The following PNLDC1 variants were observed in gnomAD, a reference collection of about 807,000 sequenced individuals.
PNLDC1 encodes PARN like ribonuclease domain containing exonuclease 1, also known as poly(A)-specific ribonuclease PNLDC1.
PNLDC1 carries 70 observed loss-of-function variants against 82.0 expected under a neutral mutation model. The ratio of observed to expected loss-of-function variants is 0.85; its 90% CI spans 0.70 to 1.04. PNLDC1 has a LOEUF of 1.04. Ranked by LOEUF, PNLDC1 falls within the 50% of genes least tolerant of loss-of-function variation. The probability of loss-of-function intolerance (pLI) is 0.00; values close to 1 mark genes in which losing one functional copy is unlikely to be tolerated. For synonymous variants in PNLDC1, 280 were observed against 249.3 expected (o/e 1.12, Z -1.16); for missense variants, 631 against 661.1 (o/e 0.95, Z 0.50).
intron 8 of PNLDC1, 74 bp from the exon 9 acceptor site, chr6:159,808,941 A>G: frequency 6.3e-7 from 1 of 1,589,962 alleles, no homozygotes; most frequent in Non-Finnish European, 8.6e-7. Flanking sequence ...CCTTTTGTTT[A>G]GAGATGCAGA....
Position 159,808,871 on chromosome 6 carries a change from T to A in PNLDC1, c.639+55T>A, listed in dbSNP as rs1230981707. On this transcript the variant is annotated intron_variant, in intron 8 of 18. Coordinates refer to ENST00000392167, the MANE Select transcript of PNLDC1 (RefSeq NM_001271862.2). ...TGGCTCCATTGTTTCTCTCTCATAA[T>A]TGGCCAAATCTGGCCTCTGAAAAGC... 1.9e-6 allele frequency: 3 copies of A among 1,605,034 alleles called. No individual in the cohort carries two copies. The African/African-American group carries it at 4.0e-5, about 21-fold the overall frequency.
chr6:159,805,724 TC>T, intron 6 of PNLDC1: 1 of 434,992 alleles, frequency 2.3e-6, no homozygotes, highest in Non-Finnish European at 4.3e-6. Context: ...CAATAGCTTT[TC>T]CTCCATACAT....
rs1470792751 is a variant in PNLDC1, at chr6:159,819,406, G to T, written c.1532+54G>T. 153 of 1,493,922 alleles carry T rather than the reference G, an allele frequency of 1.0e-4. 4 individuals are homozygous for T. The Admixed American group carries it at 2.5e-3, about 25-fold the overall frequency. 92.5% of individuals were successfully genotyped at this position (1,493,922 alleles called of 1,614,324 possible). A position where few individuals can be genotyped will look rare whatever the true frequency, so the allele number is the denominator to read the frequency against. ...GTCCTGGGGTCCTGGAGTGCCCGGGGTCCCAGCATCCCAGCATGGTCTGAC... is the reference window on the plus strand; with the variant it reads ...GTCCTGGGGTCCTGGAGTGCCCGGGTTCCCAGCATCCCAGCATGGTCTGAC... On this transcript the variant is annotated intron_variant, in intron 18 of 18. Transcript: ENST00000392167. The surrounding 1 kb of genome is among the most constrained non-coding windows in gnomAD (Gnocchi z 4.6).
intron 6 of PNLDC1, 53 bp from the exon 7 acceptor site, chr6:159,805,930 C>A: frequency 7.7e-7 from 1 of 1,297,342 alleles, no homozygotes; most frequent in Non-Finnish European, 1.1e-6. Context: ...CATAGTCTTG[C>A]GGTTCTGAAG....
intron 7 of PNLDC1, among the ~76,000 whole-genome samples, chr6:159,806,846 G>A (rs1466402036): frequency 6.6e-6 from 1 of 150,430 alleles, no homozygotes; most frequent in Admixed American, 6.6e-5. Flanking sequence ...ATTGTGTCAA[G>A]GAAAAGTGCT....
chr6:159,804,810 G>A (rs1176571681), intron 6 of PNLDC1, among the ~76,000 whole-genome samples, 173 bp downstream of exon 6: 1 of 152,178 alleles, frequency 6.6e-6, no homozygotes, highest in Non-Finnish European at 1.5e-5. Context: ...ACTGAGAATG[G>A]CTTTCACCTG....
intron 10 of PNLDC1, among the ~76,000 whole-genome samples, chr6:159,811,062 G>C (rs1433118742): frequency 2.6e-5 from 4 of 152,218 alleles, no homozygotes; most frequent in Non-Finnish European, 5.9e-5. Flanking sequence ...CCTCTCAGCC[G>C]GTGGGAGGTC....
At chr6:159,808,838 G>A (rs1253903162) in intron 8 of PNLDC1, 22 bp downstream of exon 8, 1 of 1,612,148 alleles carries the variant, frequency 6.2e-7, no homozygotes, top group Non-Finnish European at 8.5e-7. Flanking sequence ...CTGCGAACGG[G>A]GCATCAGTGG....
At position 159,820,629 on chromosome 6, in the gene PNLDC1, T is replaced by C; in HGVS notation, c.*112T>C. On this transcript the variant is annotated 3_prime_UTR_variant, in exon 19 of 19. Coordinates refer to ENST00000392167, the MANE Select transcript of PNLDC1 (RefSeq NM_001271862.2). ...TTGCAGATGGATCTGTTTGGTCTTTTCTAGAAATTCTGTTATGTCCTGAAC... is the reference window on the plus strand; with the variant it reads ...TTGCAGATGGATCTGTTTGGTCTTTCCTAGAAATTCTGTTATGTCCTGAAC... The C allele has an allele frequency of 9.8e-7, 1 of 1,020,686 alleles. No individual in the cohort carries two copies. Among genetic ancestry groups the C allele is most frequent in the Non-Finnish European group, 1.5e-6 (1 of 657,128 alleles). 63.2% of individuals were successfully genotyped at this position (1,020,686 alleles called of 1,614,324 possible).
intron 7 of PNLDC1, among the ~76,000 whole-genome samples, chr6:159,807,278 T>C (rs1391515043): frequency 1.3e-5 from 2 of 152,172 alleles, no homozygotes; most frequent in African/African-American, 4.8e-5. Context: ...GAAAAGAGCT[T>C]GTTGGCCAGG....
chr6:159,803,800 A>G (rs902552063), intron 4 of PNLDC1, among the ~76,000 whole-genome samples, 165 bp from the exon 5 acceptor site: 1 of 152,070 alleles, frequency 6.6e-6, no homozygotes, highest in South Asian at 2.1e-4. Context: ...TGCCTTTTTC[A>G]TTTAGCACCC....
At chr6:159,818,858 C>G (rs535712218) in intron 16 of PNLDC1, 88 bp from the exon 17 acceptor site, 5 of 1,451,478 alleles carry the variant, frequency 3.4e-6, no homozygotes, top group East Asian at 2.3e-5. Context: ...CCAAGCAGAG[C>G]CTTTCCTAGT....
At chr6:159,818,729 T>TGGG in intron 16 of PNLDC1, 75 bp downstream of exon 16, 1 of 1,424,322 alleles carries the variant, frequency 7.0e-7, no homozygotes. Flanking sequence ...CAGTGCTCTC[T>TGGG]GGGACTCGTG....
At chr6:159,804,942 G>T (rs1781394765) in intron 6 of PNLDC1, among the ~76,000 whole-genome samples, 1 of 152,244 alleles carries the variant, frequency 6.6e-6, no homozygotes, top group South Asian at 2.1e-4. Context: ...TTCCATTCCA[G>T]TGCTAGAGGG....
At chr6:159,804,476 T>C (rs1365203407) in intron 5 of PNLDC1, 73 bp from the exon 6 acceptor site, 5 of 1,026,860 alleles carry the variant, frequency 4.9e-6, no homozygotes, top group African/African-American at 1.6e-5. Context: ...CTACCTGTCC[T>C]CGTGAAATCA....
At chr6:159,807,980 C>T (rs1400243498) in intron 7 of PNLDC1, among the ~76,000 whole-genome samples, 1 of 151,106 alleles carries the variant, frequency 6.6e-6, no homozygotes, top group Non-Finnish European at 1.5e-5. Flanking sequence ...GTGGCACCAT[C>T]TTGGCTCACT....
chr6:159,801,073 A>G (rs1321097902), intron 2 of PNLDC1, 40 bp from the exon 3 acceptor site: 1 of 1,605,722 alleles, frequency 6.2e-7, no homozygotes, highest in Admixed American at 1.7e-5. Context: ...CCGGGATGGG[A>G]TGTCATTGCT....
At chr6:159,808,575 C>G (rs1221844497) in intron 7 of PNLDC1, among the ~76,000 whole-genome samples, 165 bp from the exon 8 acceptor site, 4 of 150,986 alleles carry the variant, frequency 2.6e-5, no homozygotes. Context: ...CAGATCCCAT[C>G]ATGACAGGCC....
chr6:159,817,278 G>C (rs1023295571), intron 15 of PNLDC1, 127 bp downstream of exon 15: 1 of 912,092 alleles, frequency 1.1e-6, no homozygotes, highest in Non-Finnish European at 1.8e-6. Context: ...GGTGTCACTG[G>C]TATAGAAATC....
Sources: gnomAD v4.1 joint callset for allele counts (sites outside exome capture counted in the v4.1 genomes callset) on GRCh38, gnomAD v4.1.1 for gene constraint, Gnocchi (gnomAD v3.1) non-coding constraint, MANE v1.5 for transcripts, NCBI Gene and HGNC (gene_info 2026-07-23, HGNC 2026-07-21) for gene names.